Variants in POLR1H observed in about 807,000 individuals in gnomAD.
POLR1H encodes the protein RNA polymerase I subunit H, also known as DNA-directed RNA polymerase I subunit RPA12.
Under a neutral mutation model 15.8 loss-of-function variants are expected in POLR1H, and 5 were observed. The observed-to-expected ratio is 0.32, with a 90% CI of 0.17 to 0.67. The LOEUF is 0.67. Among genes scored for constraint, POLR1H ranks in the 30% least tolerant of loss-of-function variants. The probability of loss-of-function intolerance (pLI) is 0.74; values close to 1 mark genes in which losing one functional copy is unlikely to be tolerated. For missense variants in POLR1H, 100 were observed against 163.4 expected (o/e 0.61, Z 2.11); for synonymous variants, 43 against 58.3 (o/e 0.74, Z 1.20).
intron 3 of POLR1H, 88 bp from the exon 4 acceptor site, chr6:30,064,585 T>C: frequency 8.0e-7 from 1 of 1,257,186 alleles, no homozygotes; most frequent in Non-Finnish European, 1.1e-6. Flanking sequence ...ATAAAAGTCC[T>C]TCCTTGATTA....
In POLR1H at chr6:30,061,411, A is replaced by G; in HGVS notation, c.-114A>G. 3 of 1,214,382 alleles carry G rather than the reference A, an allele frequency of 2.5e-6. No individual in the cohort carries two copies. The highest frequency in any genetic ancestry group is 1.1e-6 in the Non-Finnish European group (1 of 870,886). The allele number at this position is 1,214,382 out of a possible 1,614,324, so 75.2% of individuals were successfully genotyped here. ...AGAGGCAGGAGGCGTGCGTGGCAGG[A>G]GGGTTCGGGTTATATACTCCTAGGT... On this transcript the variant is annotated 5_prime_UTR_variant, in exon 1 of 4. Transcript: ENST00000332435. This position sits in a 1 kb window ranked among gnomAD's most constrained non-coding sequence, Gnocchi z 5.0.
chr6:30,061,515 A>G lies in POLR1H; in HGVS notation c.-10A>G, dbSNP rs932297505. On this transcript the variant is annotated 5_prime_UTR_variant, in exon 1 of 4. Transcript: ENST00000332435. The surrounding 1 kb of genome is among the most constrained non-coding windows in gnomAD (Gnocchi z 5.0). The stretch of plus-strand genomic sequence containing the variant: ...AATAAACTTCCAACTCCCTCCTCAG[A>G]CCCGACCGCATGTCTGTCATGGACC... 1.2e-6 allele frequency: 2 copies of G among 1,612,728 alleles called. No individual in the cohort carries two copies. Among genetic ancestry groups the G allele is most frequent in the African/African-American group, 2.7e-5 (2 of 74,868 alleles).
Position 30,061,909 on chromosome 6 carries a change from C to T in POLR1H, c.146-8C>T. The stretch of plus-strand genomic sequence containing the variant: ...GTCTCCATAACCAGTTCTTACTTGC[C>T]TGTGCAGACTTTGAGGGGAAGGTTG... On this transcript the variant is annotated splice_polypyrimidine_tract_variant and splice_region_variant and intron_variant, in intron 1 of 3. Coordinates refer to ENST00000332435, the MANE Select transcript of POLR1H (RefSeq NM_170783.4). This position sits in a 1 kb window ranked among gnomAD's most constrained non-coding sequence, Gnocchi z 5.0. 6.2e-7 allele frequency: 1 copy of T among 1,612,842 alleles called. No individual in the cohort carries two copies. Among genetic ancestry groups the T allele is most frequent in the Non-Finnish European group, 8.5e-7 (1 of 1,179,800 alleles).
At position 30,061,728 on chromosome 6, in the gene POLR1H, C is replaced by T. The variant is rs1765091272; in HGVS notation, c.145+59C>T. The T allele has an allele frequency of 3.7e-6, 6 of 1,607,094 alleles. No individual in the cohort carries two copies. Among genetic ancestry groups the T allele is most frequent in the Admixed American group, 3.4e-5 (2 of 59,676 alleles). ...GGCGCAGGGTCGGAAGCTTGGGGAA[C>T]TCAAGATCGGTTGGGTTGAGGAGGG... On this transcript the variant is annotated intron_variant, in intron 1 of 3. Transcript: ENST00000332435. The surrounding 1 kb of genome is among the most constrained non-coding windows in gnomAD (Gnocchi z 5.0).
chr6:30,062,714 C>CTTTTTTTTTT (rs9278555), intron 3 of POLR1H, among the ~76,000 whole-genome samples: 45 of 42,376 alleles, frequency 1.1e-3, no homozygotes, highest in East Asian at 2.9e-3. Flanking sequence ...CCACGCCTGG[C>CTTTTTTTTTT]TTTTTTTTTT....
rs1765033188 is a variant in POLR1H at position 30,061,333 on chromosome 6, C to T, written c.-192C>T. 4.9e-6 allele frequency: 3 copies of T among 609,664 alleles called. No individual in the cohort carries two copies. Among genetic ancestry groups the T allele is most frequent in the African/African-American group, 1.9e-5 (1 of 53,818 alleles). 37.8% of individuals were successfully genotyped at this position (609,664 alleles called of 1,614,324 possible). A position where few individuals can be genotyped will look rare whatever the true frequency, so the allele number is the denominator to read the frequency against. On this transcript the variant is annotated 5_prime_UTR_variant, in exon 1 of 4. Coordinates refer to ENST00000332435, the MANE Select transcript of POLR1H (RefSeq NM_170783.4). The surrounding 1 kb of genome is among the most constrained non-coding windows in gnomAD (Gnocchi z 5.0). Reference sequence around the variant, plus strand: ...CGGCCCCTGGAAAGGGTTCCAAGTCCTTTAGTACCCGACGCTGTCTGGGAA... The same window carrying T: ...CGGCCCCTGGAAAGGGTTCCAAGTCTTTTAGTACCCGACGCTGTCTGGGAA...
rs138944692 is a variant in POLR1H, at chr6:30,063,096, C to T, written c.356+763C>T. On this transcript the variant is annotated intron_variant, in intron 3 of 3. Coordinates refer to ENST00000332435, the MANE Select transcript of POLR1H (RefSeq NM_170783.4). The surrounding 1 kb of genome is among the most constrained non-coding windows in gnomAD (Gnocchi z 4.1). ...GCAGTCACTATAGTATATCAAAATA[C>T]GATTTTCTTTTATTCTGTTTGGGAT... is the stretch of plus-strand genomic sequence containing the variant. 5.3e-5 allele frequency among the ~76,000 whole-genome samples: 8 copies of T among 152,046 alleles called. No individual in the cohort carries two copies. The East Asian group carries it at 5.8e-4, about 11-fold the overall frequency.
rs577027971 is a variant in POLR1H at position 30,061,524 on chromosome 6, C to T, written c.-1C>T. On this transcript the variant is annotated 5_prime_UTR_variant, in exon 1 of 4. Coordinates refer to ENST00000332435, the MANE Select transcript of POLR1H (RefSeq NM_170783.4). The surrounding 1 kb of genome is among the most constrained non-coding windows in gnomAD (Gnocchi z 5.0). Reference sequence around the variant, plus strand: ...CCAACTCCCTCCTCAGACCCGACCGCATGTCTGTCATGGACCTCGCCAATA... The same window carrying T: ...CCAACTCCCTCCTCAGACCCGACCGTATGTCTGTCATGGACCTCGCCAATA... 2 of 1,613,048 alleles carry T rather than the reference C, an allele frequency of 1.2e-6. No homozygotes were observed. The highest frequency in any genetic ancestry group is 2.2e-5 in the South Asian group (2 of 91,072).
rs776259405 is a variant in POLR1H at position 30,061,647 on chromosome 6, T to C, written c.123T>C (p.Cys41=). The C allele has an allele frequency of 5.0e-6, 8 of 1,612,940 alleles. No individual in the cohort carries two copies. The East Asian group carries it at 1.3e-4, about 27-fold the overall frequency. The change falls in exon 1 of 4, where the codon TGT becomes TGC. Residue 41 remains cysteine, a synonymous_variant. Transcript: ENST00000332435. The surrounding 1 kb of genome is among the most constrained non-coding windows in gnomAD (Gnocchi z 5.0). The part of the protein sequence containing the change: ...GAQDTVTCIR[C]GFNINVRDFE... ...AGGATACGGTCACCTGTATTCGCTGTGGCTTCAACATCAACGTTCGGGGTG... is the reference window on the plus strand; with the variant it reads ...AGGATACGGTCACCTGTATTCGCTGCGGCTTCAACATCAACGTTCGGGGTG...
chr6:30,062,714 C>CTTGTTTTTTT (rs1765200437), intron 3 of POLR1H, among the ~76,000 whole-genome samples: 1 of 42,378 alleles, frequency 2.4e-5, no homozygotes, highest in African/African-American at 1.0e-4. Flanking sequence ...CCACGCCTGG[C>CTTGTTTTTTT]TTTTTTTTTT....
rs749654228 is a variant in POLR1H at position 30,061,927 on chromosome 6, G to A, written c.156G>A (p.Gly52=). Residue 52 remains glycine (G), a synonymous_variant, in exon 2 of 4, where the codon GGG becomes GGA. Transcript: ENST00000332435. This position sits in a 1 kb window ranked among gnomAD's most constrained non-coding sequence, Gnocchi z 5.0. ...GFNINVRDFE[G]KVVKTSVVFH... ...TACTTGCCTGTGCAGACTTTGAGGG[G>A]AAGGTTGTGAAGACTTCGGTTGTGT... The A allele has an allele frequency of 9.9e-6, 16 of 1,613,004 alleles. No homozygotes were observed. In the South Asian group the frequency reaches 1.8e-4, roughly 18 times the overall value.
upstream of POLR1H, chr6:30,060,742 C>T (rs940945041): frequency 2.0e-5 from 3 of 152,220 alleles, no homozygotes; most frequent in African/African-American, 7.2e-5. Context: ...CCGACTCACC[C>T]CTTTCCAAGC....
In POLR1H at chr6:30,062,172, G is replaced by A. The variant is rs939122720; in HGVS notation, c.247-52G>A. 46 of 1,498,732 alleles carry A rather than the reference G, an allele frequency of 3.1e-5. No homozygotes were observed. The Middle Eastern group carries it at 8.5e-4, about 28-fold the overall frequency. The allele number at this position is 1,498,732 out of a possible 1,614,324, so 92.8% of individuals were successfully genotyped here. On this transcript the variant is annotated intron_variant, in intron 2 of 3. Coordinates refer to ENST00000332435, the MANE Select transcript of POLR1H (RefSeq NM_170783.4). The stretch of plus-strand genomic sequence containing the variant: ...AGAGGCGTGATCGCCTGATTCCTGT[G>A]GGAAGTAAGGGGATATGACCAGGCC...
rs1582362478 is a variant in POLR1H, at chr6:30,063,700, G to T, written c.357-973G>T. ...ATTCGAGTTTTTTAGAACTTGAACT[G>T]TAGGAATTCTTTGAGGCCTTGGGCG... On this transcript the variant is annotated intron_variant, in intron 3 of 3. Transcript: ENST00000332435. The surrounding 1 kb of genome is among the most constrained non-coding windows in gnomAD (Gnocchi z 4.1). Among the ~76,000 whole-genome samples, 1 of 152,192 alleles carries T rather than the reference G, an allele frequency of 6.6e-6. No homozygotes were observed. The highest frequency in any genetic ancestry group is 2.1e-4 in the South Asian group (1 of 4,824).
At chr6:30,062,693 G>C (rs746362792) in intron 3 of POLR1H, among the ~76,000 whole-genome samples, 19 of 126,708 alleles carry the variant, frequency 1.5e-4, no homozygotes, top group Non-Finnish European at 2.5e-4. Flanking sequence ...TGGGACCACA[G>C]ACACATGCCA....
upstream of POLR1H, chr6:30,060,834 G>C (rs1042388685): frequency 2.0e-5 from 3 of 152,392 alleles, no homozygotes; most frequent in South Asian, 2.1e-4. Context: ...AGGAACGCTA[G>C]AACTATACGT....
At chr6:30,060,784 T>G (rs930766337), upstream of POLR1H, 1 of 152,222 alleles carries the variant, frequency 6.6e-6, no homozygotes, top group East Asian at 1.9e-4. Flanking sequence ...ACGAGGCCGG[T>G]TGCGAGCTGC....
chr6:30,060,440 C>G (rs575514413), upstream of POLR1H: 1 of 148,264 alleles, frequency 6.7e-6, no homozygotes, highest in South Asian at 2.1e-4. Flanking sequence ...TGTCAGCTGT[C>G]CACTTAACGG....
At chr6:30,062,968 C>T (rs753769480) in intron 3 of POLR1H, among the ~76,000 whole-genome samples, 5 of 151,432 alleles carry the variant, frequency 3.3e-5, no homozygotes, top group East Asian at 1.9e-4. Context: ...AGTCTTCAAC[C>T]GCAGTCAAGG....
Sources: gnomAD v4.1 joint callset for allele counts (sites outside exome capture counted in the v4.1 genomes callset) on GRCh38, gnomAD v4.1.1 for gene constraint, Gnocchi (gnomAD v3.1) non-coding constraint, MANE v1.5 for transcripts, NCBI Gene and HGNC (gene_info 2026-07-23, HGNC 2026-07-21) for gene names.